AGR3: variants seen among roughly 807,000 people sequenced by gnomAD.
AGR3 encodes the protein anterior gradient 3, protein disulphide isomerase family member.
A neutral mutation model predicts 24.5 loss-of-function variants in AGR3; 37 were observed. The ratio of observed to expected loss-of-function variants is 1.51; its 90% CI spans 1.16 to 1.99. The LOEUF is 1.99. Ranked by LOEUF, AGR3 falls within the 30% of genes most tolerant of loss-of-function variation. The pLI, the probability that AGR3 is intolerant of heterozygous loss-of-function variation, is 0.00. For synonymous variants in AGR3, 75 were observed against 61.6 expected, an observed-to-expected ratio of 1.22 and a Z score of -1.02; for missense variants, 228 against 191.1, an observed-to-expected ratio of 1.19 and a Z score of -1.14.
intron 4 of AGR3, 128 bp downstream of exon 4, chr7:16,862,482 C>T (rs1781669009): frequency 2.0e-6 from 1 of 488,780 alleles, no homozygotes. Context: ...TGATGGTACT[C>T]TGGCAGTTGT....
chr7:16,865,690 A>C, intron 3 of AGR3: 1 of 797,244 alleles, frequency 1.3e-6, no homozygotes, highest in South Asian at 1.3e-5. Context: ...GTAACTTGTT[A>C]TACTTTGTTG....
In AGR3 at chr7:16,873,791, A is replaced by G. The variant is rs374672297; in HGVS notation, c.162T>C (p.Tyr54=). ...GAGAAGCATGTTACCTTTTTTGAGC[A>G]TAAAAGAGACCTTCTTCATAAGTTT... The part of the protein sequence containing the change: ...WVQTYEEGLF[Y]AQKSKKPLMV... The change falls in exon 3 of 8, where the codon TAT becomes TAC. Residue 54 remains tyrosine (Y), a synonymous_variant. Transcript: ENST00000310398. 3.1e-6 allele frequency: 5 copies of G among 1,612,266 alleles called. No homozygotes were observed. Among genetic ancestry groups the G allele is most frequent in the Non-Finnish European group, 4.2e-6 (5 of 1,178,534 alleles).
chr7:16,860,244 T>A (rs1431611227), intron 7 of AGR3, among the ~76,000 whole-genome samples: 1 of 152,238 alleles, frequency 6.6e-6, no homozygotes, highest in Non-Finnish European at 1.5e-5. Flanking sequence ...GTTTGTGTCA[T>A]TTTAATGTGT....
At chr7:16,875,246 A>G (rs1300254347) in intron 2 of AGR3, among the ~76,000 whole-genome samples, 1 of 152,158 alleles carries the variant, frequency 6.6e-6, no homozygotes, top group Admixed American at 6.6e-5. Context: ...CCATTTAGCT[A>G]TCACCTGCTC....
At chr7:16,880,523 TCCC>T (rs1466797163) in intron 1 of AGR3, among the ~76,000 whole-genome samples, 2 of 34,710 alleles carry the variant, frequency 5.8e-5, no homozygotes, top group African/African-American at 1.4e-4. Flanking sequence ...TCCCCTCCTC[TCCC>T]CTCCCCTCCC....
At chr7:16,862,718 CAGT>C in intron 3 of AGR3, 56 bp from the exon 4 acceptor site, 1 of 1,242,180 alleles carries the variant, frequency 8.1e-7, no homozygotes, top group Non-Finnish European at 1.1e-6. Flanking sequence ...TCAAAATATA[CAGT>C]AGAGTTAGAT....
intron 4 of AGR3, 58 bp downstream of exon 4, chr7:16,862,552 T>C: frequency 8.6e-7 from 1 of 1,156,070 alleles, no homozygotes; most frequent in East Asian, 3.1e-5. Context: ...AGGTCACTTT[T>C]CCTATTTTAT....
chr7:16,874,771 G>C (rs1003031006), intron 2 of AGR3, among the ~76,000 whole-genome samples: 12 of 151,944 alleles, frequency 7.9e-5, no homozygotes, highest in African/African-American at 2.9e-4. Flanking sequence ...GTTTTCTGGC[G>C]ACAGCTTTAT....
chr7:16,860,428 G>C (rs1009711766), intron 7 of AGR3, 72 bp downstream of exon 7: 6 of 1,125,238 alleles, frequency 5.3e-6, no homozygotes, highest in South Asian at 1.2e-5. Context: ...CTGATGTAGG[G>C]CTTCACTAGC....
chr7:16,868,870 C>T (rs1781810337), intron 3 of AGR3, among the ~76,000 whole-genome samples: 1 of 152,130 alleles, frequency 6.6e-6, no homozygotes, highest in Non-Finnish European at 1.5e-5. Flanking sequence ...TTATTGTGTA[C>T]ATATACCATA....
intron 3 of AGR3, among the ~76,000 whole-genome samples, chr7:16,867,822 A>G (rs1203387566): frequency 6.6e-6 from 1 of 152,180 alleles, no homozygotes; most frequent in Non-Finnish European, 1.5e-5. Context: ...GACAGTGAAC[A>G]TGGGAGTGCA....
At chr7:16,871,117 A>G (rs1781856143) in intron 3 of AGR3, among the ~76,000 whole-genome samples, 1 of 152,162 alleles carries the variant, frequency 6.6e-6, no homozygotes, top group Non-Finnish European at 1.5e-5. Context: ...ATAAATTTGG[A>G]TTTTTAAAAA....
At chr7:16,864,731 G>A (rs942671603) in intron 3 of AGR3, 1 of 1,449,152 alleles carries the variant, frequency 6.9e-7, no homozygotes, top group African/African-American at 1.4e-5. Flanking sequence ...AACCACTGCG[G>A]TGTGTGCGAG....
At position 16,878,606 on chromosome 7, in the gene AGR3, A is replaced by G; in HGVS notation, c.13T>C (p.Ser5Pro). Residue 5 changes from serine (S) to proline (P), a missense_variant, in exon 2 of 8, where the codon TCA becomes CCA. By Grantham distance (74) the Ser-to-Pro change is moderately conservative. Coordinates refer to ENST00000310398, the MANE Select transcript of AGR3 (RefSeq NM_176813.5). Reference protein sequence around the residue: MMLHSALGLCLLLVT... With the variant: MMLHPALGLCLLLVT... ...AGTAAGAGGCAGAGACCCAAAGCTG[A>G]GTGTAGCATCATGTCTTCTAGAGAC... 6.2e-7 allele frequency: 1 copy of G among 1,614,082 alleles called. No homozygotes were observed. The highest frequency in any genetic ancestry group is 8.5e-7 in the Non-Finnish European group (1 of 1,179,966).
At chr7:16,864,285 G>A in intron 3 of AGR3, 1 of 1,353,526 alleles carries the variant, frequency 7.4e-7, no homozygotes, top group South Asian at 1.2e-5. Flanking sequence ...CACTCTCATA[G>A]TCTTCTATTA....
intron 3 of AGR3, among the ~76,000 whole-genome samples, chr7:16,869,293 G>A (rs1781819613): frequency 1.3e-5 from 2 of 152,042 alleles, no homozygotes; most frequent in South Asian, 4.2e-4. Flanking sequence ...ATTATATAAT[G>A]ACCTTCTTTG....
downstream of AGR3, among the ~76,000 whole-genome samples, chr7:16,857,049 A>G (rs1260947632): frequency 6.6e-6 from 1 of 151,214 alleles, no homozygotes; most frequent in Non-Finnish European, 1.5e-5. Flanking sequence ...CTATTCATAG[A>G]CTTGATCATA....
intron 3 of AGR3, chr7:16,865,367 A>G: frequency 8.8e-7 from 1 of 1,141,902 alleles, no homozygotes; most frequent in Admixed American, 1.8e-5. Flanking sequence ...CAGGGACAGT[A>G]ATTTTTCCTC....
chr7:16,878,763 G>T (rs905236639), intron 1 of AGR3, 118 bp from the exon 2 acceptor site: 3 of 686,726 alleles, frequency 4.4e-6, no homozygotes, highest in African/African-American at 3.6e-5. Flanking sequence ...TTTTTGGTTT[G>T]ACATGGTATA....
Sources: gnomAD v4.1 joint callset for allele counts (sites outside exome capture counted in the v4.1 genomes callset) on GRCh38, gnomAD v4.1.1 for gene constraint, MANE v1.5 for transcripts, NCBI Gene and HGNC (gene_info 2026-07-23, HGNC 2026-07-21) for gene names.